The following PRKCH variants were observed in gnomAD, a reference collection of about 807,000 sequenced individuals.
PRKCH encodes protein kinase C eta.
A neutral mutation model predicts 82.5 loss-of-function variants in PRKCH; 28 were observed. The ratio of observed to expected loss-of-function variants is 0.34; its 90% CI spans 0.25 to 0.47. The LOEUF (loss-of-function observed/expected upper bound fraction) is 0.47, where lower values mean the gene tolerates loss of function less well. Among genes scored for constraint, PRKCH ranks in the 20% least tolerant of loss-of-function variants. PRKCH has a pLI of 1.00. For synonymous variants in PRKCH, 322 were observed against 327.4 expected (o/e 0.98, Z 0.18); for missense variants, 705 against 881.8 (o/e 0.80, Z 2.54).
chr14:61,407,319 G>T (rs188747513), intron 2 of PRKCH, among the ~76,000 whole-genome samples: 1 of 152,112 alleles, frequency 6.6e-6, no homozygotes, highest in Non-Finnish European at 1.5e-5. Context: ...TTCTGAAGGC[G>T]GGACTGCATG....
intron 1 of PRKCH, chr14:61,306,747 T>A (rs1177209479): frequency 1.3e-5 from 2 of 152,240 alleles, no homozygotes; most frequent in African/African-American, 4.8e-5. Flanking sequence ...CCTTTTTAAA[T>A]TTAAAGATCT....
chr14:61,259,989 A>G (rs1414925898), intron 1 of PRKCH, among the ~76,000 whole-genome samples: 1 of 152,186 alleles, frequency 6.6e-6, no homozygotes, highest in Non-Finnish European at 1.5e-5. Context: ...ATTTCACCAT[A>G]TTCCCAAATG....
chr14:61,448,767 G>C (rs1884348453), intron 4 of PRKCH, among the ~76,000 whole-genome samples: 1 of 152,198 alleles, frequency 6.6e-6, no homozygotes, highest in Admixed American at 6.5e-5. Context: ...TCCCATAGAA[G>C]AAAGGTGACA....
intron 2 of PRKCH, among the ~76,000 whole-genome samples, chr14:61,391,976 C>G (rs958354445): frequency 1.3e-5 from 2 of 152,130 alleles, no homozygotes; most frequent in Non-Finnish European, 2.9e-5. Context: ...TTAGTTTTAC[C>G]TACCCTAGAA....
chr14:61,320,365 C>G (rs146739049), upstream of PRKCH, among the ~76,000 whole-genome samples: 4,168 of 152,184 alleles, frequency 0.027, 103 homozygotes, highest in African/African-American at 0.065. Flanking sequence ...TTTGGGAGGC[C>G]GAGGCAGGCG....
chr14:61,328,256 CAAAA>C (rs71117811), intron 1 of PRKCH, among the ~76,000 whole-genome samples: 142 of 74,372 alleles, frequency 1.9e-3, no homozygotes, highest in Middle Eastern at 8.5e-3. Context: ...GACTCCGTCT[CAAAA>C]AAAAAAAAAA....
chr14:61,378,461 C>T (rs935607643), intron 1 of PRKCH, among the ~76,000 whole-genome samples: 1 of 152,060 alleles, frequency 6.6e-6, no homozygotes, highest in Non-Finnish European at 1.5e-5. Context: ...CTATCTTGGC[C>T]TCCCAAAATA....
chr14:61,523,601 G>A (rs10483742), intron 10 of PRKCH, among the ~76,000 whole-genome samples: 14,524 of 152,202 alleles, frequency 0.095, 767 homozygotes, highest in South Asian at 0.19. Context: ...AAAGCACTTA[G>A]CATTTGATGA....
At chr14:61,425,906 T>C (rs1276111806) in intron 2 of PRKCH, among the ~76,000 whole-genome samples, 1 of 152,158 alleles carries the variant, frequency 6.6e-6, no homozygotes, top group Non-Finnish European at 1.5e-5. Context: ...TGAGATCTGT[T>C]GGTTTTATAA....
chr14:61,305,730 A>G (rs2045481639), intron 1 of PRKCH: 1 of 152,124 alleles, frequency 6.6e-6, no homozygotes, highest in African/African-American at 2.4e-5. Context: ...CTGTTTAATC[A>G]CATATTCATC....
chr14:61,365,971 A>G (rs910536799), intron 1 of PRKCH, among the ~76,000 whole-genome samples: 1 of 152,040 alleles, frequency 6.6e-6, no homozygotes, highest in Non-Finnish European at 1.5e-5. Flanking sequence ...GAAAAGAGAA[A>G]AGGCTTATGT....
At chr14:61,347,089 C>A (rs903427734) in intron 1 of PRKCH, among the ~76,000 whole-genome samples, 6 of 152,038 alleles carry the variant, frequency 3.9e-5, no homozygotes, top group Non-Finnish European at 7.4e-5. Context: ...TGCAAGTTGA[C>A]GGGTGGGGAC....
At chr14:61,367,690 C>T (rs1438510021) in intron 1 of PRKCH, among the ~76,000 whole-genome samples, 4 of 151,042 alleles carry the variant, frequency 2.6e-5, no homozygotes, top group Non-Finnish European at 5.9e-5. Context: ...TGAATATGCT[C>T]CCCAGGCTCT....
intron 1 of PRKCH, among the ~76,000 whole-genome samples, chr14:61,292,330 T>G (rs1391719424): frequency 1.3e-5 from 2 of 149,890 alleles, no homozygotes; most frequent in East Asian, 4.0e-4. Context: ...AAAAAAAATT[T>G]AATTAGCCGT....
intron 1 of PRKCH, among the ~76,000 whole-genome samples, chr14:61,355,222 G>C (rs1157661972): frequency 6.6e-6 from 1 of 152,092 alleles, no homozygotes; most frequent in Non-Finnish European, 1.5e-5. Context: ...CTTATTTTCT[G>C]CTAAAACTGT....
rs143561008 is a variant in PRKCH, at chr14:61,329,029, C to T, written c.363+6565C>T. Among the ~76,000 whole-genome samples the T allele has an allele frequency of 3.3e-3, 507 of 151,426 alleles. 1 individual carries two copies. The highest frequency in any genetic ancestry group is 0.011 in the African/African-American group (462 of 41,280). ...AAAAAACAGTCAACTAGATTGTGTT[C>T]CCCTTTTGTGTTGACTTCTTAGCTC... On this transcript the variant is annotated intron_variant, in intron 1 of 13. Transcript: ENST00000332981.
intron 10 of PRKCH, among the ~76,000 whole-genome samples, chr14:61,525,985 G>T (rs1249208167): frequency 6.6e-6 from 1 of 152,180 alleles, no homozygotes; most frequent in Non-Finnish European, 1.5e-5. Context: ...CGCAGTCCCA[G>T]AGGAGCCAGG....
chr14:61,429,153 T>C (rs1006044741), intron 2 of PRKCH, among the ~76,000 whole-genome samples: 5 of 152,146 alleles, frequency 3.3e-5, no homozygotes, highest in Admixed American at 6.6e-5. Flanking sequence ...GCATGAAAGG[T>C]TTCATTCCTT....
intron 1 of PRKCH, among the ~76,000 whole-genome samples, chr14:61,238,079 A>G (rs1010344557): frequency 6.6e-6 from 1 of 152,268 alleles, no homozygotes; most frequent in African/African-American, 2.4e-5. Context: ...GTTAGGGTTC[A>G]CTATGTATGG....
Sources: allele counts gnomAD v4.1 joint callset (sites outside exome capture counted in the v4.1 genomes callset), GRCh38; gene constraint gnomAD v4.1.1; transcripts MANE v1.5; gene names NCBI Gene and HGNC (gene_info 2026-07-23, HGNC 2026-07-21).